FUT9: variants seen among roughly 807,000 people sequenced by gnomAD.
FUT9 encodes 4-galactosyl-N-acetylglucosaminide 3-alpha-L-fucosyltransferase 9.
In FUT9, 15 loss-of-function variants were observed where a neutral mutation model predicts 29.7. That is an observed-to-expected ratio of 0.51 (90% CI 0.34 to 0.78). The LOEUF (loss-of-function observed/expected upper bound fraction) is 0.78. Ranked by LOEUF, FUT9 falls within the 30% of genes least tolerant of loss-of-function variation. FUT9 has a pLI of 0.01. For synonymous variants in FUT9, 169 were observed against 153.7 expected (o/e 1.10, Z -0.74); for missense variants, 319 against 425.4 (o/e 0.75, Z 2.20).
chr6:96,031,830 A>G (rs1770267001), intron 1 of FUT9, among the ~76,000 whole-genome samples: 1 of 151,588 alleles, frequency 6.6e-6, no homozygotes, highest in Non-Finnish European at 1.5e-5. Flanking sequence ...TATTTTACAA[A>G]ATTCTTGATG....
At chr6:96,111,540 A>AACACACACACACAC (rs66491542) in intron 1 of FUT9, among the ~76,000 whole-genome samples, 4 of 145,662 alleles carry the variant, frequency 2.7e-5, no homozygotes, top group Non-Finnish European at 6.0e-5. Context: ...TGATTTGGGA[A>AACACACACACACAC]ACACACACAC....
At chr6:96,155,671 TA>T (rs796825725) in intron 2 of FUT9, among the ~76,000 whole-genome samples, 30 of 142,316 alleles carry the variant, frequency 2.1e-4, no homozygotes, top group African/African-American at 7.3e-4. Context: ...AGACTCCGTT[TA>T]AAAAAAAAAA....
chr6:96,115,764 T>G (rs1771899070), intron 2 of FUT9, among the ~76,000 whole-genome samples: 1 of 152,178 alleles, frequency 6.6e-6, no homozygotes, highest in Non-Finnish European at 1.5e-5. Context: ...AACCCTAAAC[T>G]TATTACTTAA....
intron 1 of FUT9, among the ~76,000 whole-genome samples, chr6:96,109,600 T>G (rs1018434634): frequency 1.6e-4 from 25 of 152,230 alleles, no homozygotes; most frequent in African/African-American, 6.0e-4. Context: ...GATTTAATAC[T>G]TTATTCAAAT....
intron 2 of FUT9, among the ~76,000 whole-genome samples, chr6:96,191,118 G>GTCAAGACCC (rs1773499834): frequency 6.6e-6 from 1 of 152,020 alleles, no homozygotes; most frequent in Admixed American, 6.6e-5. Flanking sequence ...CCTTCTAACA[G>GTCAAGACCC]TCAAGACCCT....
chr6:96,114,395 TAC>T (rs1771872183), intron 2 of FUT9, among the ~76,000 whole-genome samples: 1 of 151,856 alleles, frequency 6.6e-6, no homozygotes, highest in Non-Finnish European at 1.5e-5. Flanking sequence ...AAATAAATCT[TAC>T]AGTTAATAAT....
intron 2 of FUT9, among the ~76,000 whole-genome samples, chr6:96,118,389 T>G (rs1297895630): frequency 1.3e-5 from 2 of 151,986 alleles, no homozygotes; most frequent in African/African-American, 4.8e-5. Flanking sequence ...CACATGTACA[T>G]CAGTGGTCCC....
intron 1 of FUT9, among the ~76,000 whole-genome samples, chr6:96,069,376 T>A (rs9485645): frequency 6.6e-6 from 1 of 151,092 alleles, no homozygotes; most frequent in African/African-American, 2.4e-5. Flanking sequence ...ATGAATGAGA[T>A]CTACAATATT....
intron 2 of FUT9, among the ~76,000 whole-genome samples, chr6:96,155,814 G>A (rs1488472111): frequency 3.3e-5 from 5 of 150,126 alleles, no homozygotes; most frequent in African/African-American, 1.2e-4. Flanking sequence ...AGTCTCAGAA[G>A]GACCTAACCC....
At chr6:96,041,653 A>G (rs1770462974) in intron 1 of FUT9, among the ~76,000 whole-genome samples, 1 of 152,204 alleles carries the variant, frequency 6.6e-6, no homozygotes, top group East Asian at 1.9e-4. Context: ...TTTTTCCTTC[A>G]TAAAAGCATA....
chr6:96,079,986 G>A (rs1771208544), intron 1 of FUT9, among the ~76,000 whole-genome samples: 1 of 151,836 alleles, frequency 6.6e-6, no homozygotes, highest in African/African-American at 2.4e-5. Flanking sequence ...TTACAACAAT[G>A]TATCTGACAA....
chr6:96,095,743 G>A (rs1472990150), intron 1 of FUT9, among the ~76,000 whole-genome samples: 1 of 152,018 alleles, frequency 6.6e-6, no homozygotes, highest in Non-Finnish European at 1.5e-5. Context: ...TTCATGTTGG[G>A]CATTATGGCT....
chr6:96,116,089 T>G (rs1399868557), intron 2 of FUT9, among the ~76,000 whole-genome samples: 1 of 152,136 alleles, frequency 6.6e-6, no homozygotes, highest in African/African-American at 2.4e-5. Context: ...TAAAAAACTC[T>G]TAAAACGTAA....
intron 2 of FUT9, among the ~76,000 whole-genome samples, chr6:96,176,421 G>A (rs1003918603): frequency 7.2e-5 from 11 of 152,006 alleles, no homozygotes; most frequent in African/African-American, 2.4e-4. Flanking sequence ...CTAATATGCA[G>A]TCTATGTTGC....
chr6:96,150,337 G>A (rs1362688601), intron 2 of FUT9, among the ~76,000 whole-genome samples: 1 of 152,142 alleles, frequency 6.6e-6, no homozygotes, highest in Non-Finnish European at 1.5e-5. Flanking sequence ...AATTAGTGCA[G>A]AGCGTGATGA....
intron 1 of FUT9, among the ~76,000 whole-genome samples, chr6:96,025,246 C>T (rs760419476): frequency 2.0e-5 from 3 of 151,732 alleles, no homozygotes; most frequent in Non-Finnish European, 3.0e-5. Flanking sequence ...AGGTCTGAGA[C>T]TGGACTCGAT....
intron 2 of FUT9, among the ~76,000 whole-genome samples, chr6:96,188,343 T>G (rs1314634444): frequency 6.6e-6 from 1 of 152,074 alleles, no homozygotes; most frequent in Non-Finnish European, 1.5e-5. Flanking sequence ...CGTAGCTCAC[T>G]GCAGCCTCGA....
intron 1 of FUT9, among the ~76,000 whole-genome samples, chr6:96,041,755 T>C (rs1428631811): frequency 2.0e-5 from 3 of 152,240 alleles, no homozygotes; most frequent in Admixed American, 1.3e-4. Context: ...AAACAATCTG[T>C]TGATATATCT....
chr6:96,191,594 T>C (rs1191383156), intron 2 of FUT9, among the ~76,000 whole-genome samples: 2 of 152,018 alleles, frequency 1.3e-5, no homozygotes, highest in African/African-American at 4.8e-5. Context: ...AATTAATAGC[T>C]TACCAACTAA....
Sources: gnomAD v4.1 joint callset for allele counts (sites outside exome capture counted in the v4.1 genomes callset) on GRCh38, gnomAD v4.1.1 for gene constraint, MANE v1.5 for transcripts, NCBI Gene and HGNC (gene_info 2026-07-23, HGNC 2026-07-21) for gene names.